NPC1: variants seen among roughly 807,000 people sequenced by gnomAD.
NPC1 encodes NPC intracellular cholesterol transporter 1.
A neutral mutation model predicts 140.4 loss-of-function variants in NPC1; 85 were observed. That is an observed-to-expected ratio of 0.61 (90% CI 0.51 to 0.72). The LOEUF is 0.72. NPC1 is among the 30% of genes least tolerant of loss of function. The probability of loss-of-function intolerance (pLI) is 0.00; values close to 1 mark genes in which losing one functional copy is unlikely to be tolerated. For missense variants in NPC1, 1,504 were observed against 1,623.8 expected (o/e 0.93, Z 1.27); for synonymous variants, 656 against 624.8 (o/e 1.05, Z -0.74).
intron 16 of NPC1, 68 bp from the exon 17 acceptor site, chr18:23,540,605 C>G: frequency 8.7e-7 from 1 of 1,146,042 alleles, no homozygotes; most frequent in Non-Finnish European, 1.3e-6. Context: ...GAAATAAAAT[C>G]TTAAGCACAC....
chr18:23,571,936 T>C, intron 3 of NPC1, 138 bp downstream of exon 3: 2 of 300,554 alleles, frequency 6.7e-6, no homozygotes, highest in East Asian at 1.6e-4. Context: ...TATACATATA[T>C]GTATAAATAT....
chr18:23,540,744 G>C (rs1297366604), intron 16 of NPC1, among the ~76,000 whole-genome samples: 1 of 152,128 alleles, frequency 6.6e-6, no homozygotes, highest in African/African-American at 2.4e-5. Flanking sequence ...TGCCACTTAC[G>C]GGCTGAGTGA....
chr18:23,516,113 C>G (rs1177065196), intron 3 of NPC1: 4 of 1,483,512 alleles, frequency 2.7e-6, no homozygotes, highest in Non-Finnish European at 2.8e-6. Context: ...CGTCACCGCT[C>G]TGACCACTAG....
downstream of NPC1, chr18:23,529,745 CAG>C: frequency 6.4e-7 from 1 of 1,567,514 alleles, no homozygotes; most frequent in Non-Finnish European, 8.8e-7. Context: ...CAAGTTAAAA[CAG>C]AAGGAATTTA....
chr18:23,539,057 G>T (rs550299427), intron 19 of NPC1: 16 of 468,342 alleles, frequency 3.4e-5, no homozygotes, highest in South Asian at 3.0e-4. Context: ...AGAAGCTAAG[G>T]CCAGATACCA....
chr18:23,529,912 C>A (rs917759807), downstream of NPC1: 12 of 1,091,030 alleles, frequency 1.1e-5, no homozygotes, highest in South Asian at 1.6e-4. Context: ...GAAACCACTT[C>A]TTGTAATGAC....
intron 22 of NPC1, among the ~76,000 whole-genome samples, chr18:23,535,196 G>A (rs1306644223): frequency 6.6e-6 from 1 of 152,112 alleles, no homozygotes; most frequent in African/African-American, 2.4e-5. Context: ...TAGTATAGCC[G>A]CAAGGAATGG....
At chr18:23,543,417 G>C (rs1379235828) in intron 14 of NPC1, 38 bp downstream of exon 14, 7 of 1,156,540 alleles carry the variant, frequency 6.1e-6, no homozygotes, top group Non-Finnish European at 9.2e-6. Context: ...TCCAGGCTCA[G>C]CAGACTACAG....
At chr18:23,532,305 T>C (rs910429526) in intron 24 of NPC1, 21 bp from the exon 25 acceptor site, 1 of 1,613,940 alleles carries the variant, frequency 6.2e-7, no homozygotes. Flanking sequence ...GAGAGACTTT[T>C]TCTTATTTCT....
At chr18:23,518,711 C>A (rs375864594), downstream of NPC1, among the ~76,000 whole-genome samples, 3 of 152,154 alleles carry the variant, frequency 2.0e-5, no homozygotes, top group African/African-American at 7.2e-5. Flanking sequence ...TGTGTGTTCT[C>A]TTTTCCACTT....
rs753768576 is a variant in NPC1 at position 23,539,826 on chromosome 18, G to A, written c.2780C>T (p.Ala927Val). ...TGGTACTGACTAGTTGTCCAGCTGCGCCGCGTTAAATATCTGCTGCACCAG... is the reference window on the plus strand; with the variant it reads ...TGGTACTGACTAGTTGTCCAGCTGCACCGCGTTAAATATCTGCTGCACCAG... ...DSLVQQIFNA[A>V]QLDNYTRIGF... The change falls in exon 18 of 25, where the codon GCG becomes GTG. Residue 927 changes from alanine to valine, a missense_variant. Ala to Val is a moderately conservative substitution (Grantham distance 64). Coordinates refer to ENST00000269228, the MANE Select transcript of NPC1 (RefSeq NM_000271.5). 6.2e-6 allele frequency: 10 copies of A among 1,614,120 alleles called. No homozygotes were observed. The Admixed American group carries it at 6.7e-5, about 11-fold the overall frequency.
In NPC1 at chr18:23,532,124, C is replaced by A. The variant is rs2058530985; in HGVS notation, c.*78G>T. The A allele has an allele frequency of 6.2e-7, 1 of 1,613,962 alleles. No individual in the cohort carries two copies. Among genetic ancestry groups the A allele is most frequent in the Admixed American group, 1.7e-5 (1 of 59,998 alleles). The stretch of plus-strand genomic sequence containing the variant: ...GGCACCATCCGGTGTTCAACTTGGC[C>A]TTGCCGATGCAGCACCCGTCCAGTG... On this transcript the variant is annotated 3_prime_UTR_variant, in exon 25 of 25. Transcript: ENST00000269228.
intron 10 of NPC1, among the ~76,000 whole-genome samples, chr18:23,550,479 CTTTTTT>C (rs68163205): frequency 4.0e-5 from 3 of 74,922 alleles, no homozygotes; most frequent in Admixed American, 2.1e-4. Context: ...TCTTACATTT[CTTTTTT>C]TTTTTTTTTT....
chr18:23,575,769 C>CAAAAAAAAAAAAAAAAAAAAAAAAAAAA (rs35922440), intron 1 of NPC1, among the ~76,000 whole-genome samples: 1 of 35,104 alleles, frequency 2.8e-5, no homozygotes, highest in Non-Finnish European at 5.9e-5. Flanking sequence ...CAGAGAAGAC[C>CAAAAAAAAAAAAAAAAAAAAAAAAAAAA]AAAAAAAAAA....
intron 13 of NPC1, among the ~76,000 whole-genome samples, 171 bp from the exon 14 acceptor site, chr18:23,543,740 C>T (rs2058744900): frequency 6.6e-6 from 1 of 152,172 alleles, no homozygotes; most frequent in African/African-American, 2.4e-5. Context: ...CAGAGTATTT[C>T]TGCACTACAG....
Position 23,535,284 on chromosome 18 carries a change from C to CTA in NPC1, c.3477+183_3477+184dup, listed in dbSNP as rs149144072. On this transcript the variant is annotated intron_variant, in intron 22 of 24. Transcript: ENST00000269228. ...ATGTCCAACTCAATGCTCGCTCCCTCTATGCCCTGTCCCACCACCATCCAG... is the reference window on the plus strand; with the variant it reads ...ATGTCCAACTCAATGCTCGCTCCCTCTATATGCCCTGTCCCACCACCATCCAG... Among the ~76,000 whole-genome samples the CTA allele has an allele frequency of 2.0e-3, 307 of 152,296 alleles. 2 individuals carry two copies. Among genetic ancestry groups the CTA allele is most frequent in the African/African-American group, 7.3e-3 (303 of 41,560 alleles).
Position 23,531,967 on chromosome 18 carries a change from C to A in NPC1, c.*235G>T. The A allele has an allele frequency of 1.4e-6, 2 of 1,449,574 alleles. No individual in the cohort carries two copies. Among genetic ancestry groups the A allele is most frequent in the Non-Finnish European group, 1.8e-6 (2 of 1,108,752 alleles). 89.8% of individuals were successfully genotyped at this position (1,449,574 alleles called of 1,614,324 possible). A position where few individuals can be genotyped will look rare whatever the true frequency, so the allele number is the denominator to read the frequency against. ...GCTTGCCAAAGAATGAGGTTTCTTT[C>A]CTGAAGAGGCTGGGAGAAGTTTAGT... is the stretch of plus-strand genomic sequence containing the variant. On this transcript the variant is annotated 3_prime_UTR_variant, in exon 25 of 25. Transcript: ENST00000269228.
chr18:23,544,113 A>G (rs1227515770), intron 13 of NPC1, among the ~76,000 whole-genome samples: 3 of 152,244 alleles, frequency 2.0e-5, no homozygotes, highest in Admixed American at 6.5e-5. Flanking sequence ...ATTTAAAGAT[A>G]CAATTTAAAA....
At chr18:23,508,867 G>A (rs2057778184) in intron 3 of NPC1, 1 of 157,848 alleles carries the variant, frequency 6.3e-6, no homozygotes, top group Non-Finnish European at 1.4e-5. Flanking sequence ...TTTTTATAAC[G>A]TGGGTGACTA....
Sources: gnomAD v4.1 joint callset for allele counts (sites outside exome capture counted in the v4.1 genomes callset) on GRCh38, gnomAD v4.1.1 for gene constraint, MANE v1.5 for transcripts, NCBI Gene and HGNC (gene_info 2026-07-23, HGNC 2026-07-21) for gene names.